Variants in USP6NL observed in about 807,000 individuals in gnomAD.
USP6NL encodes USP6 N-terminal-like protein.
USP6NL carries 26 observed loss-of-function variants against 61.9 expected under a neutral mutation model. The observed-to-expected ratio is 0.42, with a 90% CI of 0.31 to 0.58. The LOEUF is 0.58. USP6NL is among the 20% of genes least tolerant of loss of function. The probability of loss-of-function intolerance (pLI) is 0.16; values close to 1 mark genes in which losing one functional copy is unlikely to be tolerated. For missense variants in USP6NL, 1,114 were observed against 1,034.3 expected (o/e 1.08, Z -1.06); for synonymous variants, 432 against 390.1 (o/e 1.11, Z -1.27).
intron 4 of USP6NL, among the ~76,000 whole-genome samples, chr10:11,522,083 T>C (rs981106938): frequency 2.6e-5 from 4 of 152,226 alleles, no homozygotes; most frequent in East Asian, 1.9e-4. Context: ...AGGTTGCTCA[T>C]CTGGCAGAGC....
intron 6 of USP6NL, among the ~76,000 whole-genome samples, chr10:11,504,737 C>T (rs767068962): frequency 3.6e-4 from 55 of 152,178 alleles, no homozygotes; most frequent in Non-Finnish European, 6.8e-4. Flanking sequence ...GAGCTCACAG[C>T]GTACTGGGAA....
At position 11,611,138 on chromosome 10, in the gene USP6NL, A is replaced by G. The variant is rs2133702929; in HGVS notation, c.-84+305T>C. The stretch of plus-strand genomic sequence containing the variant: ...ACGCGCCTGGCCGGGATCGCGGCTC[A>G]CTCGGGGAGGCAGTCGCCGGGTTCC... On this transcript the variant is annotated intron_variant, in intron 1 of 14. Coordinates refer to ENST00000609104, the MANE Select transcript of USP6NL (RefSeq NM_014688.5). The surrounding 1 kb of genome is among the most constrained non-coding windows in gnomAD (Gnocchi z 5.3). 6.6e-6 allele frequency among the ~76,000 whole-genome samples: 1 copy of G among 152,068 alleles called. No homozygotes were observed. The highest frequency in any genetic ancestry group is 1.9e-4 in the East Asian group (1 of 5,142).
At position 11,462,581 on chromosome 10, in the gene USP6NL, C is replaced by G. The variant is rs1206457138; in HGVS notation, c.2347G>C (p.Asp783His). Reference sequence around the variant, plus strand: ...GAAGCTTTATATCTCACGGGACTATCTACAGAAACTGCAGGGAGGCCATGG... The same window carrying G: ...GAAGCTTTATATCTCACGGGACTATGTACAGAAACTGCAGGGAGGCCATGG... Reference protein sequence around the residue: ...QDHGLPAVSVDSPVRYKASPA... With the variant: ...QDHGLPAVSVHSPVRYKASPA... The change falls in exon 15 of 15, where the codon GAT becomes CAT. Residue 783 changes from aspartate to histidine, a missense_variant. Asp to His is a moderately conservative substitution (Grantham distance 81). Transcript: ENST00000609104. The G allele has an allele frequency of 1.2e-6, 2 of 1,613,896 alleles. No individual in the cohort carries two copies. The highest frequency in any genetic ancestry group is 2.7e-5 in the African/African-American group (2 of 74,916).
intron 1 of USP6NL, among the ~76,000 whole-genome samples, chr10:11,608,238 C>G (rs1166993747): frequency 6.6e-6 from 1 of 152,144 alleles, no homozygotes; most frequent in Non-Finnish European, 1.5e-5. Context: ...ACAAGTAATC[C>G]AATGCAGAGT....
At chr10:11,608,747 G>A (rs1410677110) in intron 1 of USP6NL, among the ~76,000 whole-genome samples, 2 of 152,134 alleles carry the variant, frequency 1.3e-5, no homozygotes, top group East Asian at 1.9e-4. Flanking sequence ...AAAAATAATG[G>A]TTGAATAAAC....
chr10:11,535,092 T>A (rs894430758), intron 2 of USP6NL, among the ~76,000 whole-genome samples: 3 of 152,234 alleles, frequency 2.0e-5, no homozygotes, highest in African/African-American at 7.2e-5. Flanking sequence ...GGAGACCGTA[T>A]AGGTTAACAT....
At chr10:11,590,282 AAGAC>A (rs1424797220) in intron 2 of USP6NL, among the ~76,000 whole-genome samples, 9 of 152,220 alleles carry the variant, frequency 5.9e-5, no homozygotes, top group African/African-American at 1.9e-4. Flanking sequence ...CTGAGGAAGA[AAGAC>A]AGAGGCTTGA....
At chr10:11,521,304 TATATA>T (rs1421519532) in intron 4 of USP6NL, among the ~76,000 whole-genome samples, 3 of 147,630 alleles carry the variant, frequency 2.0e-5, no homozygotes, top group African/African-American at 4.9e-5. Flanking sequence ...CAAAATTATA[TATATA>T]ATATTTTTAT....
chr10:11,544,350 T>A (rs1405928004), intron 2 of USP6NL, among the ~76,000 whole-genome samples: 2 of 152,212 alleles, frequency 1.3e-5, no homozygotes, highest in Non-Finnish European at 2.9e-5. Context: ...GGAGACTGAC[T>A]ATAAAAACAT....
At chr10:11,508,426 T>G (rs1038577090) in intron 6 of USP6NL, among the ~76,000 whole-genome samples, 1 of 152,172 alleles carries the variant, frequency 6.6e-6, no homozygotes, top group African/African-American at 2.4e-5. Context: ...AACTATTTCT[T>G]TTTACAGTGC....
At chr10:11,603,249 T>C (rs1184261861) in intron 1 of USP6NL, among the ~76,000 whole-genome samples, 2 of 152,208 alleles carry the variant, frequency 1.3e-5, no homozygotes, top group African/African-American at 2.4e-5. Flanking sequence ...ACTTATCAAA[T>C]CCGAGTAGGT....
rs1838892347 is a variant in USP6NL, at chr10:11,611,394, G to A, written c.-84+49C>T. On this transcript the variant is annotated intron_variant, in intron 1 of 14. Transcript: ENST00000609104. This position sits in a 1 kb window ranked among gnomAD's most constrained non-coding sequence, Gnocchi z 5.3. The stretch of plus-strand genomic sequence containing the variant: ...CCGGCCCGGGGAGGACGCCCGCGGA[G>A]CCCGCCGCCGCCGGCCCCTCACGGC... The A allele has an allele frequency of 6.6e-6, 1 of 152,284 alleles. No homozygotes were observed. The highest frequency in any genetic ancestry group is 2.4e-5 in the African/African-American group (1 of 41,382). 9.4% of individuals were successfully genotyped at this position (152,284 alleles called of 1,614,324 possible). A position where few individuals can be genotyped will look rare whatever the true frequency, so the allele number is the denominator to read the frequency against.
At chr10:11,559,248 T>C (rs1836832088) in intron 2 of USP6NL, among the ~76,000 whole-genome samples, 1 of 152,186 alleles carries the variant, frequency 6.6e-6, no homozygotes, top group African/African-American at 2.4e-5. Flanking sequence ...TTAGGATGTT[T>C]AAATTAAAGG....
chr10:11,576,066 CA>C (rs894701188), intron 2 of USP6NL, among the ~76,000 whole-genome samples: 1 of 150,326 alleles, frequency 6.7e-6, no homozygotes, highest in Admixed American at 6.6e-5. Context: ...GTAAATACTT[CA>C]ACTCACTCTC....
At chr10:11,584,098 C>G (rs1837886255) in intron 2 of USP6NL, among the ~76,000 whole-genome samples, 1 of 151,832 alleles carries the variant, frequency 6.6e-6, no homozygotes, top group Non-Finnish European at 1.5e-5. Context: ...GCCTGTAGTC[C>G]CAGCTATTCA....
chr10:11,567,400 T>A (rs1837203166), intron 2 of USP6NL, among the ~76,000 whole-genome samples: 1 of 152,170 alleles, frequency 6.6e-6, no homozygotes, highest in African/African-American at 2.4e-5. Context: ...TAAAACATTA[T>A]TAAATTAATT....
In USP6NL at chr10:11,463,722, C is replaced by T. The variant is rs1832300715; in HGVS notation, c.1206G>A (p.Arg402=). 1 of 1,609,702 alleles carries T rather than the reference C, an allele frequency of 6.2e-7. No individual in the cohort carries two copies. Among genetic ancestry groups the T allele is most frequent in the Admixed American group, 1.7e-5 (1 of 59,646 alleles). The change falls in exon 15 of 15, where the codon AGG becomes AGA. Residue 402 remains arginine, a synonymous_variant. Transcript: ENST00000609104. This position sits in a 1 kb window ranked among gnomAD's most constrained non-coding sequence, Gnocchi z 6.3. The part of the protein sequence containing the change: ...VGRPSPLASG[R]RESGAPHRRH... ...TCCTGTGGGGCGCCCCGCTCTCCCT[C>T]CTGCCGCTGGCCAGCGGGCTCGGCC...
chr10:11,505,728 A>T (rs964667903), intron 6 of USP6NL, among the ~76,000 whole-genome samples: 39 of 152,218 alleles, frequency 2.6e-4, no homozygotes, highest in Non-Finnish European at 5.6e-4. Flanking sequence ...CCTTTTTCTA[A>T]ACCTTGGTGA....
chr10:11,490,893 A>T lies in USP6NL; in HGVS notation c.495-13T>A, dbSNP rs772582462. 2.4e-5 allele frequency: 36 copies of T among 1,527,676 alleles called. No homozygotes were observed. The highest frequency in any genetic ancestry group is 3.4e-4 in the Middle Eastern group (2 of 5,936). The allele number at this position is 1,527,676 out of a possible 1,614,324, so 94.6% of individuals were successfully genotyped here. ...TAAGGATTGTTGCCTAGAGAAAAAA[A>T]TTTACATTAAATACAATTTAGTAAT... On this transcript the variant is annotated splice_polypyrimidine_tract_variant and intron_variant, in intron 8 of 14. Coordinates refer to ENST00000609104, the MANE Select transcript of USP6NL (RefSeq NM_014688.5). This position sits in a 1 kb window ranked among gnomAD's most constrained non-coding sequence, Gnocchi z 4.5.
Sources: allele counts gnomAD v4.1 joint callset (sites outside exome capture counted in the v4.1 genomes callset), GRCh38; gene constraint gnomAD v4.1.1; non-coding constraint Gnocchi (gnomAD v3.1); transcripts MANE v1.5; gene names NCBI Gene and HGNC (gene_info 2026-07-23, HGNC 2026-07-21).